MAST1: variants seen among roughly 807,000 people sequenced by gnomAD.
The protein encoded by MAST1 is microtubule-associated serine/threonine-protein kinase 1.
A neutral mutation model predicts 124.6 loss-of-function variants in MAST1; 40 were observed. The observed-to-expected ratio is 0.32, with a 90% CI of 0.25 to 0.42. MAST1 has a LOEUF of 0.42. MAST1 is among the 10% of genes least tolerant of loss of function. The pLI is 1.00. For synonymous variants in MAST1, 938 were observed against 939.4 expected (o/e 1.00, Z 0.03); for missense variants, 1,558 against 2,181.9 (o/e 0.71, Z 5.70).
chr19:12,868,584 A>C, intron 20 of MAST1, 59 bp from the exon 21 acceptor site: 1 of 1,413,868 alleles, frequency 7.1e-7, no homozygotes, highest in Non-Finnish European at 9.6e-7. Flanking sequence ...GCAGGGAAAC[A>C]GTATGTGGGA....
At chr19:12,860,473 T>G (rs1197324289) in intron 12 of MAST1, among the ~76,000 whole-genome samples, 3 of 129,332 alleles carry the variant, frequency 2.3e-5, no homozygotes, top group Non-Finnish European at 4.7e-5. Context: ...TGAGACAGAG[T>G]CTTGCTCTGT....
chr19:12,854,998 C>T (rs1599582902), intron 10 of MAST1, among the ~76,000 whole-genome samples: 4 of 151,956 alleles, frequency 2.6e-5, no homozygotes, highest in African/African-American at 2.4e-5. Context: ...TGAGAGACTG[C>T]GGCGGGTGGA....
chr19:12,847,101 CT>C lies in MAST1; in HGVS notation c.328-188del. 1 of 590,424 alleles carries C rather than the reference CT, an allele frequency of 1.7e-6. No individual in the cohort carries two copies. The allele number at this position is 590,424 out of a possible 1,614,324, so 36.6% of individuals were successfully genotyped here. On this transcript the variant is annotated intron_variant, in intron 4 of 25. Transcript: ENST00000251472. The surrounding 1 kb of genome is among the most constrained non-coding windows in gnomAD (Gnocchi z 5.5). ...TTTAACAGACTCACTGTCTCCACCC[CT>C]GTCTGTCCCTGTCCACCTGTCTGTG...
At chr19:12,858,295 A>C in intron 10 of MAST1, 67 bp from the exon 11 acceptor site, 1 of 1,375,446 alleles carries the variant, frequency 7.3e-7, no homozygotes, top group Non-Finnish European at 1.0e-6. Context: ...CCATGTGTAA[A>C]ATGAAATTAA....
rs1334421221 is a variant in MAST1, at chr19:12,847,834, C to G, written c.565-14C>G. 1 of 1,602,540 alleles carries G rather than the reference C, an allele frequency of 6.2e-7. No individual in the cohort carries two copies. The highest frequency in any genetic ancestry group is 1.3e-5 in the African/African-American group (1 of 74,662). ...CGGGCACAGCCCCGCGCCCCTCCTCCGTCCCTCCCGCAGGCCACTGCGCAG... is the reference window on the plus strand; with the variant it reads ...CGGGCACAGCCCCGCGCCCCTCCTCGGTCCCTCCCGCAGGCCACTGCGCAG... On this transcript the variant is annotated splice_polypyrimidine_tract_variant and intron_variant, in intron 6 of 25. Coordinates refer to ENST00000251472, the MANE Select transcript of MAST1 (RefSeq NM_014975.3). This position sits in a 1 kb window ranked among gnomAD's most constrained non-coding sequence, Gnocchi z 5.5.
chr19:12,849,908 C>G (rs1969941308), intron 7 of MAST1, among the ~76,000 whole-genome samples: 1 of 152,060 alleles, frequency 6.6e-6, no homozygotes, highest in African/African-American at 2.4e-5. Flanking sequence ...AGCCATTCTC[C>G]TGCCTCAGCC....
chr19:12,873,251 G>C (rs2145915663), intron 24 of MAST1, 73 bp from the exon 25 acceptor site: 4 of 1,472,712 alleles, frequency 2.7e-6, no homozygotes, highest in African/African-American at 1.4e-5. Context: ...ACCGTTGTGA[G>C]GCCGTGAAAT....
chr19:12,868,933 G>C, intron 21 of MAST1, 84 bp downstream of exon 21: 1 of 1,547,154 alleles, frequency 6.5e-7, no homozygotes, highest in Non-Finnish European at 8.8e-7. Flanking sequence ...CATTTTCCCT[G>C]TCCACCGTGA....
At position 12,871,913 on chromosome 19, in the gene MAST1, CAAAAAAAA is replaced by C. The variant is rs34674708; in HGVS notation, c.3263+758_3263+765del. Among the ~76,000 whole-genome samples the C allele has an allele frequency of 6.5e-3, 396 of 61,062 alleles. 1 individual carries two copies. The highest frequency in any genetic ancestry group is 0.019 in the African/African-American group (301 of 15,768). 40.1% of individuals were successfully genotyped at this position (61,062 alleles called of 152,430 possible). On this transcript the variant is annotated intron_variant, in intron 24 of 25. Coordinates refer to ENST00000251472, the MANE Select transcript of MAST1 (RefSeq NM_014975.3). The stretch of plus-strand genomic sequence containing the variant: ...CTGTGACAACAGAGCTAGACTCTTT[CAAAAAAAA>C]AAAAAAAAAAAAAAAAGAGGGGCTG...
Position 12,874,561 on chromosome 19 carries a change from T to C in MAST1, c.4404T>C (p.Pro1468=), listed in dbSNP as rs757528019. ...TGCAGGAACCCGCACCCCTGGCGCC[T>C]TCCGTGCCCGAGGCCCCCCGGGGCC... ...KGLQEPAPLA[P]SVPEAPRGRE... The change falls in exon 26 of 26, where the codon CCT becomes CCC. Residue 1468 remains proline (P), a synonymous_variant. Transcript: ENST00000251472. The surrounding 1 kb of genome is among the most constrained non-coding windows in gnomAD (Gnocchi z 6.6). 6.6e-7 allele frequency: 1 copy of C among 1,507,818 alleles called. No individual in the cohort carries two copies. The highest frequency in any genetic ancestry group is 1.3e-5 in the South Asian group (1 of 75,322). 93.4% of individuals were successfully genotyped at this position (1,507,818 alleles called of 1,614,324 possible). A position where few individuals can be genotyped will look rare whatever the true frequency, so the allele number is the denominator to read the frequency against.
In MAST1 at chr19:12,838,696, G is replaced by A. The variant is rs754645581; in HGVS notation, c.83+41G>A. The A allele has an allele frequency of 2.5e-6, 4 of 1,573,940 alleles. No homozygotes were observed. The highest frequency in any genetic ancestry group is 1.7e-5 in the Admixed American group (1 of 58,818). Reference sequence around the variant, plus strand: ...CCTAGACATTGTCCCGGCCCTCCCCGCAAAAGCCGCCGCTCCGGGTACTGC... The same window carrying A: ...CCTAGACATTGTCCCGGCCCTCCCCACAAAAGCCGCCGCTCCGGGTACTGC... On this transcript the variant is annotated intron_variant, in intron 1 of 25. Transcript: ENST00000251472. The surrounding 1 kb of genome is among the most constrained non-coding windows in gnomAD (Gnocchi z 4.3).
chr19:12,854,494 A>G (rs779746241), intron 10 of MAST1, among the ~76,000 whole-genome samples: 28 of 152,150 alleles, frequency 1.8e-4, no homozygotes, highest in Non-Finnish European at 3.5e-4. Flanking sequence ...TTCACTTAAC[A>G]TAACGTTTCT....
intron 18 of MAST1, among the ~76,000 whole-genome samples, chr19:12,867,065 C>T (rs1001913113): frequency 2.0e-5 from 3 of 152,092 alleles, no homozygotes; most frequent in African/African-American, 7.2e-5. Context: ...GCAGCGAAGG[C>T]GGAGTAAAGC....
chr19:12,861,206 C>T (rs1293186816), intron 12 of MAST1, among the ~76,000 whole-genome samples: 5 of 152,084 alleles, frequency 3.3e-5, no homozygotes, highest in African/African-American at 9.6e-5. Flanking sequence ...GGACTAAAGG[C>T]GCGCCTCCAC....
chr19:12,848,169 G>A (rs1969919540), intron 7 of MAST1, 112 bp downstream of exon 7: 3 of 975,272 alleles, frequency 3.1e-6, no homozygotes, highest in Non-Finnish European at 4.6e-6. Flanking sequence ...CACGTTCCAG[G>A]CACTGGCGTG....
intron 10 of MAST1, among the ~76,000 whole-genome samples, chr19:12,857,471 G>C (rs1970029680): frequency 6.7e-6 from 1 of 149,078 alleles, no homozygotes; most frequent in African/African-American, 2.5e-5. Context: ...AAGTGCAGTG[G>C]CATGATCTCT....
chr19:12,858,006 CAAAAAAAAAAAAAAAA>C lies in MAST1; in HGVS notation c.1078-340_1078-325del, dbSNP rs539497049. On this transcript the variant is annotated intron_variant, in intron 10 of 25. Coordinates refer to ENST00000251472, the MANE Select transcript of MAST1 (RefSeq NM_014975.3). ...TGAATATCAGAGTGAGAACCTATCT[CAAAAAAAAAAAAAAAA>C]AAAAAAAAAAAAAAAGCTCTAACTG... 1.2e-4 allele frequency among the ~76,000 whole-genome samples: 6 copies of C among 49,446 alleles called. No individual in the cohort carries two copies. In the East Asian group the frequency reaches 2.9e-3, roughly 24 times the overall value. The allele number at this position is 49,446 out of a possible 152,430, so 32.4% of individuals were successfully genotyped here. A position where few individuals can be genotyped will look rare whatever the true frequency, so the allele number is the denominator to read the frequency against.
chr19:12,853,855 G>A (rs1167310424), intron 10 of MAST1, among the ~76,000 whole-genome samples: 1 of 144,836 alleles, frequency 6.9e-6, no homozygotes, highest in Non-Finnish European at 1.5e-5. Flanking sequence ...GGGCAACAGA[G>A]CGAGACTCTG....
Position 12,865,292 on chromosome 19 carries a change from C to T in MAST1, c.1639-24C>T, listed in dbSNP as rs542834653. On this transcript the variant is annotated intron_variant, in intron 14 of 25. Coordinates refer to ENST00000251472, the MANE Select transcript of MAST1 (RefSeq NM_014975.3). The surrounding 1 kb of genome is among the most constrained non-coding windows in gnomAD (Gnocchi z 7.1). ...CTTGAGGGCCCTCCTCTGGCTGGGG[C>T]GTGGGCTGACAGCCTGCCCCCAGGT... The T allele has an allele frequency of 7.6e-6, 12 of 1,579,046 alleles. No homozygotes were observed. Among genetic ancestry groups the T allele is most frequent in the African/African-American group, 4.0e-5 (3 of 74,300 alleles).
Sources: gnomAD v4.1 joint callset for allele counts (sites outside exome capture counted in the v4.1 genomes callset) on GRCh38, gnomAD v4.1.1 for gene constraint, Gnocchi (gnomAD v3.1) non-coding constraint, MANE v1.5 for transcripts, NCBI Gene and HGNC (gene_info 2026-07-23, HGNC 2026-07-21) for gene names.